The following OAS2 variants were observed in gnomAD, a reference collection of about 807,000 sequenced individuals.
The protein encoded by OAS2 is 2'-5'-oligoadenylate synthetase 2.
A neutral mutation model predicts 71.3 loss-of-function variants in OAS2; 67 were observed. That is an observed-to-expected ratio of 0.94 (90% CI 0.77 to 1.15). The LOEUF (loss-of-function observed/expected upper bound fraction) is 1.15, where lower values mean the gene tolerates loss of function less well. Ranked by LOEUF, OAS2 falls within the 50% of genes most tolerant of loss-of-function variation. OAS2 has a pLI of 0.00. For synonymous variants in OAS2, 327 were observed against 321.8 expected, an observed-to-expected ratio of 1.02 and a Z score of -0.17; for missense variants, 789 against 822.5, an observed-to-expected ratio of 0.96 and a Z score of 0.50.
Position 113,009,977 on chromosome 12 carries a change from C to A in OAS2, c.*722C>A, listed in dbSNP as rs1809312581. 2.0e-6 allele frequency: 2 copies of A among 982,598 alleles called. No individual in the cohort carries two copies. Among genetic ancestry groups the A allele is most frequent in the Non-Finnish European group, 2.4e-6 (2 of 826,824 alleles). 60.9% of individuals were successfully genotyped at this position (982,598 alleles called of 1,614,324 possible). A position where few individuals can be genotyped will look rare whatever the true frequency, so the allele number is the denominator to read the frequency against. On this transcript the variant is annotated 3_prime_UTR_variant, in exon 10 of 10. Transcript: ENST00000392583. ...GGATTTCTCAACTTTGATACTTACT[C>A]ACATTTGGGGCTAGACAGTTCTTTG...
chr12:112,994,568 C>T (rs1050882846), intron 2 of OAS2, among the ~76,000 whole-genome samples: 2 of 151,984 alleles, frequency 1.3e-5, no homozygotes, highest in Non-Finnish European at 2.9e-5. Flanking sequence ...ATTACAGGCA[C>T]CTGCCACCAC....
At position 113,005,048 on chromosome 12, in the gene OAS2, G is replaced by A. The variant is rs1223147341; in HGVS notation, c.1294G>A (p.Val432Ile). ...TSQKNERHKIVKEIHEQLKAF... is the reference protein window; with the variant it reads ...TSQKNERHKIIKEIHEQLKAF... ...CCAAAAAAACGAGCGGCACAAAATCGTCAAGGAAATCCATGAACAGCTGAA... is the reference window on the plus strand; with the variant it reads ...CCAAAAAAACGAGCGGCACAAAATCATCAAGGAAATCCATGAACAGCTGAA... Residue 432 changes from valine to isoleucine, a missense_variant, in exon 7 of 10, where the codon GTC becomes ATC. By Grantham distance (29) the Val-to-Ile change is conservative (BLOSUM62 3). Coordinates refer to ENST00000392583, the MANE Select transcript of OAS2 (RefSeq NM_002535.3). 37 of 1,613,980 alleles carry A rather than the reference G, an allele frequency of 2.3e-5. No individual in the cohort carries two copies. Among genetic ancestry groups the A allele is most frequent in the Admixed American group, 1.2e-4 (7 of 59,992 alleles).
chr12:112,978,732 T>C lies in OAS2; in HGVS notation c.124T>C (p.Cys42Arg), dbSNP rs899078633. 1.2e-6 allele frequency: 2 copies of C among 1,614,054 alleles called. No homozygotes were observed. The highest frequency in any genetic ancestry group is 1.7e-5 in the Admixed American group (1 of 60,004). ...GATCGACGAGATGGTGAACACCATC[T>C]GTGACGTCCTGCAGGAACCCGAACA... Reference protein sequence around the residue: ...TLIDEMVNTICDVLQEPEQFP... With the variant: ...TLIDEMVNTIRDVLQEPEQFP... The change falls in exon 1 of 10, where the codon TGT (cysteine) becomes CGT (arginine). Residue 42 changes from cysteine (C) to arginine (R), a missense_variant. Transcript: ENST00000392583. This position sits in a 1 kb window ranked among gnomAD's most constrained non-coding sequence, Gnocchi z 4.2.
Position 113,010,467 on chromosome 12 carries a change from T to G in OAS2, c.*1212T>G. ...AAGCCATAGAATCCTGAATAATAAT[T>G]CTAAAAGAAACTTCTAGAGATCATC... On this transcript the variant is annotated 3_prime_UTR_variant, in exon 10 of 10. Coordinates refer to ENST00000392583, the MANE Select transcript of OAS2 (RefSeq NM_002535.3). 6.2e-7 allele frequency: 1 copy of G among 1,613,560 alleles called. No individual in the cohort carries two copies. Among genetic ancestry groups the G allele is most frequent in the Non-Finnish European group, 8.5e-7 (1 of 1,179,844 alleles).
At position 113,009,422 on chromosome 12, in the gene OAS2, G is replaced by A. The variant is rs553625549; in HGVS notation, c.*167G>A. Reference sequence around the variant, plus strand: ...CCCACTACAAGTGATCCTCAGGCAGGTAACCCCAGATTCATGCACTGTAGG... The same window carrying A: ...CCCACTACAAGTGATCCTCAGGCAGATAACCCCAGATTCATGCACTGTAGG... On this transcript the variant is annotated 3_prime_UTR_variant, in exon 10 of 10. Transcript: ENST00000392583. 9.5e-4 allele frequency: 1,386 copies of A among 1,452,208 alleles called. 1 individual carries two copies. The highest frequency in any genetic ancestry group is 1.2e-3 in the Non-Finnish European group (1,293 of 1,106,512). 90.0% of individuals were successfully genotyped at this position (1,452,208 alleles called of 1,614,324 possible).
In OAS2 at chr12:112,978,548, C is replaced by G; in HGVS notation, c.-61C>G. On this transcript the variant is annotated 5_prime_UTR_variant, in exon 1 of 10. Coordinates refer to ENST00000392583, the MANE Select transcript of OAS2 (RefSeq NM_002535.3). This position sits in a 1 kb window ranked among gnomAD's most constrained non-coding sequence, Gnocchi z 4.2. ...TCAGTTTCCTGGCTCTGGGCAGCAG[C>G]AAGAATTCCTCTGCCTCCCATCCTA... The G allele has an allele frequency of 6.3e-7, 1 of 1,577,070 alleles. No homozygotes were observed. The highest frequency in any genetic ancestry group is 8.7e-7 in the Non-Finnish European group (1 of 1,148,522).
In OAS2 at chr12:112,978,736, A is replaced by C; in HGVS notation, c.128A>C (p.Asp43Ala). Reference protein sequence around the residue: ...LIDEMVNTICDVLQEPEQFPL... With the variant: ...LIDEMVNTICAVLQEPEQFPL... ...GACGAGATGGTGAACACCATCTGTG[A>C]CGTCCTGCAGGAACCCGAACAGTTC... The change falls in exon 1 of 10, where the codon GAC (aspartate) becomes GCC (alanine). Residue 43 changes from aspartate to alanine, a missense_variant. Coordinates refer to ENST00000392583, the MANE Select transcript of OAS2 (RefSeq NM_002535.3). The surrounding 1 kb of genome is among the most constrained non-coding windows in gnomAD (Gnocchi z 4.2). 1.9e-6 allele frequency: 3 copies of C among 1,614,116 alleles called. No individual in the cohort carries two copies. The highest frequency in any genetic ancestry group is 2.5e-6 in the Non-Finnish European group (3 of 1,179,990).
At chr12:112,982,824 A>G (rs755567752) in intron 1 of OAS2, among the ~76,000 whole-genome samples, 2 of 152,056 alleles carry the variant, frequency 1.3e-5, no homozygotes, top group Non-Finnish European at 2.9e-5. Flanking sequence ...TTTGTTGAGG[A>G]GTTTTTTATT....
At chr12:112,988,204 G>T in intron 2 of OAS2, 3 of 985,418 alleles carry the variant, frequency 3.0e-6, no homozygotes, top group Non-Finnish European at 3.6e-6. Context: ...TTAGGTTGAA[G>T]GATTAATGGT....
intron 8 of OAS2, among the ~76,000 whole-genome samples, chr12:113,007,069 G>A (rs1421768125): frequency 1.3e-5 from 2 of 152,188 alleles, no homozygotes; most frequent in African/African-American, 2.4e-5. Context: ...TCCTCAGGCA[G>A]GTAACCCCAG....
chr12:112,987,925 C>T, intron 2 of OAS2: 2 of 985,540 alleles, frequency 2.0e-6, no homozygotes, highest in Non-Finnish European at 2.4e-6. Context: ...TTCCCACACT[C>T]TTGCATATTG....
intron 2 of OAS2, chr12:112,988,548 A>T: frequency 3.4e-6 from 3 of 894,596 alleles, no homozygotes; most frequent in Non-Finnish European, 4.0e-6. Flanking sequence ...TTTAGGTTAT[A>T]GTTCACCATG....
rs1021578635 is a variant in OAS2, at chr12:113,002,798, C to T, written c.1009-134C>T. ...GATGTATTTGTGCAATGACAAAAGACGGAAAAGATGCCAGCCCACGAGCAG... is the reference window on the plus strand; with the variant it reads ...GATGTATTTGTGCAATGACAAAAGATGGAAAAGATGCCAGCCCACGAGCAG... On this transcript the variant is annotated intron_variant, in intron 5 of 9. Transcript: ENST00000392583. 40 of 731,828 alleles carry T rather than the reference C, an allele frequency of 5.5e-5. No individual in the cohort carries two copies. In the Middle Eastern group the frequency reaches 1.6e-3, roughly 29 times the overall value. The allele number at this position is 731,828 out of a possible 1,614,324, so 45.3% of individuals were successfully genotyped here.
chr12:112,986,174 G>A (rs1165026102), intron 1 of OAS2, among the ~76,000 whole-genome samples: 1 of 152,162 alleles, frequency 6.6e-6, no homozygotes, highest in Non-Finnish European at 1.5e-5. Context: ...GAAAGGCTGT[G>A]CTGGGAACAG....
At chr12:113,001,142 G>C (rs909618730) in intron 5 of OAS2, among the ~76,000 whole-genome samples, 4 of 151,840 alleles carry the variant, frequency 2.6e-5, no homozygotes, top group African/African-American at 9.7e-5. Flanking sequence ...ACAGGAGTTT[G>C]AGACCAGCCT....
At chr12:112,990,471 T>C (rs1328144186) in intron 2 of OAS2, among the ~76,000 whole-genome samples, 10 of 152,116 alleles carry the variant, frequency 6.6e-5, no homozygotes, top group Admixed American at 5.9e-4. Context: ...TCTTATTATG[T>C]AGATGAAGCC....
chr12:112,998,467 C>G, intron 5 of OAS2, 57 bp downstream of exon 5: 1 of 1,572,018 alleles, frequency 6.4e-7, no homozygotes, highest in African/African-American at 1.4e-5. Flanking sequence ...CTTCCTGACA[C>G]CCAGGCTAGG....
chr12:113,010,536 A>G lies in OAS2; in HGVS notation c.*1281A>G, dbSNP rs750743987. ...ACTCGGCTCACCGTGAGAAAGAGTC[A>G]CTCACATCCATTCTTCCCTTGATGG... is the stretch of plus-strand genomic sequence containing the variant. On this transcript the variant is annotated 3_prime_UTR_variant, in exon 10 of 10. Coordinates refer to ENST00000392583, the MANE Select transcript of OAS2 (RefSeq NM_002535.3). The G allele has an allele frequency of 1.2e-5, 19 of 1,596,232 alleles. No individual in the cohort carries two copies. Among genetic ancestry groups the G allele is most frequent in the Non-Finnish European group, 1.6e-5 (19 of 1,174,558 alleles).
rs2044256048 is a variant in OAS2 at position 112,998,505 on chromosome 12, T to C, written c.1008+95T>C. The C allele has an allele frequency of 2.2e-6, 3 of 1,357,516 alleles. No homozygotes were observed. The South Asian group carries it at 3.8e-5, about 17-fold the overall frequency. 84.1% of individuals were successfully genotyped at this position (1,357,516 alleles called of 1,614,324 possible). A position where few individuals can be genotyped will look rare whatever the true frequency, so the allele number is the denominator to read the frequency against. On this transcript the variant is annotated intron_variant, in intron 5 of 9. Coordinates refer to ENST00000392583, the MANE Select transcript of OAS2 (RefSeq NM_002535.3). ...TTATCTGAGAGTACTCTATATTCGTTTCCTGTATTGCTGTTACAAAGTTCC... is the reference window on the plus strand; with the variant it reads ...TTATCTGAGAGTACTCTATATTCGTCTCCTGTATTGCTGTTACAAAGTTCC...
Sources: allele counts gnomAD v4.1 joint callset (sites outside exome capture counted in the v4.1 genomes callset), GRCh38; gene constraint gnomAD v4.1.1; non-coding constraint Gnocchi (gnomAD v3.1); transcripts MANE v1.5; gene names NCBI Gene and HGNC (gene_info 2026-07-23, HGNC 2026-07-21).